Variants in DOCK8 observed in about 807,000 individuals in gnomAD.
DOCK8 encodes the protein dedicator of cytokinesis 8.
DOCK8 carries 141 observed loss-of-function variants against 245.6 expected under a neutral mutation model. The ratio of observed to expected loss-of-function variants is 0.57; its 90% CI spans 0.50 to 0.66. The LOEUF is 0.66. Ranked by LOEUF, DOCK8 falls within the 30% of genes least tolerant of loss-of-function variation. The pLI, the probability that DOCK8 is intolerant of heterozygous loss-of-function variation, is 0.00. For synonymous variants in DOCK8, 1,168 were observed against 970.2 expected, an observed-to-expected ratio of 1.20 and a Z score of -3.79; for missense variants, 2,965 against 2,603.4, an observed-to-expected ratio of 1.14 and a Z score of -3.02.
chr9:382,492 T>G (rs1429609927), intron 21 of DOCK8, 21 bp from the exon 22 acceptor site: 7 of 1,613,242 alleles, frequency 4.3e-6, no homozygotes, highest in Admixed American at 1.7e-5. Flanking sequence ...TGTTGACATG[T>G]CTCTGCCTGG....
At chr9:325,414 GTGAA>G (rs1372362368) in intron 7 of DOCK8, among the ~76,000 whole-genome samples, 4 of 152,190 alleles carry the variant, frequency 2.6e-5, no homozygotes, top group African/African-American at 4.8e-5. Context: ...CAGTGAGTGA[GTGAA>G]TGAGTGAGAT....
chr9:214,530 C>T, upstream of DOCK8: 3 of 1,613,524 alleles, frequency 1.9e-6, 1 homozygote, highest in Non-Finnish European at 2.5e-6. Flanking sequence ...TGGGGTGATT[C>T]CCGACCTCGC....
Position 312,134 on chromosome 9 carries a change from G to C in DOCK8, c.709G>C (p.Glu237Gln). Residue 237 changes from glutamate (E) to glutamine (Q), a missense_variant, in exon 6 of 48, where the codon GAG becomes CAG. Physicochemically the swap from Glu to Gln is conservative, Grantham distance 29. Transcript: ENST00000432829. The stretch of plus-strand genomic sequence containing the variant: ...GGCCCGGAGGACCAATAGGCAGGCC[G>C]AGCTCTTTGCCCTTTACCCATCAGT... The part of the protein sequence containing the change: ...EEARRTNRQA[E>Q]LFALYPSVDE... The C allele has an allele frequency of 6.2e-7, 1 of 1,614,200 alleles. No individual in the cohort carries two copies. The highest frequency in any genetic ancestry group is 8.5e-7 in the Non-Finnish European group (1 of 1,180,020).
intron 1 of DOCK8, among the ~76,000 whole-genome samples, chr9:237,970 A>T (rs951313760): frequency 6.6e-6 from 1 of 152,180 alleles, no homozygotes; most frequent in African/African-American, 2.4e-5. Flanking sequence ...CCACTTGTGG[A>T]ATAGCTGAGT....
chr9:376,347 G>A (rs2053515181), intron 19 of DOCK8, 42 bp downstream of exon 19: 7 of 1,377,772 alleles, frequency 5.1e-6, no homozygotes, highest in African/African-American at 1.4e-5. Flanking sequence ...AAGGTGCAGC[G>A]GAGGAGCCTT....
intron 14 of DOCK8, among the ~76,000 whole-genome samples, chr9:341,571 AC>A (rs1219658739): frequency 6.6e-6 from 1 of 152,046 alleles, no homozygotes; most frequent in African/African-American, 2.4e-5. Context: ...CACCTCCTAG[AC>A]TTTTATCATC....
intron 4 of DOCK8, among the ~76,000 whole-genome samples, chr9:302,997 AAAAG>A (rs2049626664): frequency 1.3e-5 from 2 of 151,964 alleles, no homozygotes; most frequent in African/African-American, 2.4e-5. Flanking sequence ...AAAAAAAAGA[AAAAG>A]AAAAAGAAAA....
intron 1 of DOCK8, among the ~76,000 whole-genome samples, chr9:254,027 T>C (rs1184274627): frequency 6.6e-6 from 1 of 152,230 alleles, no homozygotes; most frequent in African/African-American, 2.4e-5. Context: ...AGGTAAAAAG[T>C]AAAGCATTTT....
chr9:377,225 G>C lies in DOCK8; in HGVS notation c.2440+14G>C, dbSNP rs1490640225. Reference sequence around the variant, plus strand: ...CTGGCCAGACAGGTATGAACCTGCAGGGCTGGGCTGGGAGGAGGCAGGAGC... The same window carrying C: ...CTGGCCAGACAGGTATGAACCTGCACGGCTGGGCTGGGAGGAGGCAGGAGC... On this transcript the variant is annotated intron_variant, in intron 20 of 47. Coordinates refer to ENST00000432829, the MANE Select transcript of DOCK8 (RefSeq NM_203447.4). 2.6e-6 allele frequency: 4 copies of C among 1,560,840 alleles called. No homozygotes were observed. In the South Asian group the frequency reaches 3.4e-5, roughly 13 times the overall value.
intron 2 of DOCK8, among the ~76,000 whole-genome samples, chr9:273,323 C>G (rs956776396): frequency 6.6e-6 from 1 of 151,962 alleles, no homozygotes; most frequent in Non-Finnish European, 1.5e-5. Context: ...ATAATAAAGG[C>G]ATGTCAAGTG....
At chr9:385,080 A>G (rs2053894680) in intron 22 of DOCK8, among the ~76,000 whole-genome samples, 1 of 152,218 alleles carries the variant, frequency 6.6e-6, no homozygotes, top group East Asian at 1.9e-4. Context: ...ACCTGTTCCC[A>G]AAAGCTGATT....
At chr9:240,414 C>A (rs1408760230) in intron 1 of DOCK8, among the ~76,000 whole-genome samples, 1 of 151,450 alleles carries the variant, frequency 6.6e-6, no homozygotes, top group African/African-American at 2.4e-5. Context: ...TCTGAGTAAT[C>A]TTGGTCCTAT....
intron 26 of DOCK8, among the ~76,000 whole-genome samples, chr9:400,710 CCACCAT>C (rs1365198113): frequency 7.8e-5 from 6 of 76,794 alleles, no homozygotes; most frequent in East Asian, 3.9e-4. Flanking sequence ...ACCACCACCT[CCACCAT>C]CACCACCACC....
chr9:365,819 A>G, intron 14 of DOCK8: 1 of 369,718 alleles, frequency 2.7e-6, no homozygotes, highest in Non-Finnish European at 5.3e-6. Context: ...GATGAACAGA[A>G]GTGAACAGTG....
intron 46 of DOCK8, chr9:456,716 A>T (rs1351309533): frequency 6.6e-6 from 1 of 152,112 alleles, no homozygotes; most frequent in Non-Finnish European, 1.5e-5. Context: ...GCAATAATAA[A>T]AAACATCTCG....
chr9:237,516 A>G (rs1006214303), intron 1 of DOCK8, among the ~76,000 whole-genome samples: 1 of 152,282 alleles, frequency 6.6e-6, no homozygotes, highest in South Asian at 2.1e-4. Context: ...TTAGCCAGGC[A>G]TGGTGGCATG....
At chr9:251,251 A>G (rs13285317) in intron 1 of DOCK8, among the ~76,000 whole-genome samples, 6,610 of 152,308 alleles carry the variant, frequency 0.043, 169 homozygotes, top group Non-Finnish European at 0.065. Flanking sequence ...TTGGTGAAAC[A>G]CAAAGAGACA....
chr9:454,901 C>T (rs2057586166), intron 46 of DOCK8, among the ~76,000 whole-genome samples: 1 of 152,116 alleles, frequency 6.6e-6, no homozygotes. Flanking sequence ...TAAAACTAGT[C>T]CCAGGCAAGA....
chr9:262,610 A>G (rs1301256048), intron 1 of DOCK8, among the ~76,000 whole-genome samples: 2 of 151,436 alleles, frequency 1.3e-5, no homozygotes, highest in East Asian at 2.0e-4. Context: ...TATTTATGTA[A>G]AATTCTCGAA....
Sources: allele counts gnomAD v4.1 joint callset (sites outside exome capture counted in the v4.1 genomes callset), GRCh38; gene constraint gnomAD v4.1.1; transcripts MANE v1.5; gene names NCBI Gene and HGNC (gene_info 2026-07-23, HGNC 2026-07-21).